The following ARNT variants were observed in gnomAD, a reference collection of about 807,000 sequenced individuals.
ARNT encodes the protein aryl hydrocarbon receptor nuclear translocator.
A neutral mutation model predicts 105.0 loss-of-function variants in ARNT; 30 were observed. The ratio of observed to expected loss-of-function variants is 0.29; its 90% CI spans 0.21 to 0.39. The LOEUF (loss-of-function observed/expected upper bound fraction) is 0.39. Among genes scored for constraint, ARNT ranks in the 10% least tolerant of loss-of-function variants. The pLI, the probability that ARNT is intolerant of heterozygous loss-of-function variation, is 1.00. For missense variants in ARNT, 748 were observed against 978.7 expected, an observed-to-expected ratio of 0.76 and a Z score of 3.15; for synonymous variants, 304 against 344.0, an observed-to-expected ratio of 0.88 and a Z score of 1.29.
chr1:150,819,945 A>T (rs1352423649), intron 14 of ARNT, among the ~76,000 whole-genome samples: 1 of 152,220 alleles, frequency 6.6e-6, no homozygotes, highest in Non-Finnish European at 1.5e-5. Context: ...AAAACTTTTT[A>T]AAAAAGAAAC....
Position 150,813,312 on chromosome 1 carries a change from G to A in ARNT, c.2140C>T (p.Gln714Ter), listed in dbSNP as rs753495822. Residue 714 changes from glutamine to a stop codon, truncating the protein, a stop_gained, in exon 21 of 22, where the codon CAA becomes TAA. Coordinates refer to ENST00000358595, the MANE Select transcript of ARNT (RefSeq NM_001668.4). LOFTEE classifies it high-confidence loss of function. ...CCCTCTGCTGTCCGTGTCTGGAATT[G>A]TCCTGCAGTCTGTCCAGTCTCAGGA... ...FAPETGQTAG[Q>*]FQTRTAEGVG... The A allele has an allele frequency of 6.2e-7, 1 of 1,613,048 alleles. No individual in the cohort carries two copies. The highest frequency in any genetic ancestry group is 8.5e-7 in the Non-Finnish European group (1 of 1,179,460).
intron 1 of ARNT, among the ~76,000 whole-genome samples, chr1:150,872,384 A>C (rs928444202): frequency 7.2e-5 from 11 of 152,238 alleles, no homozygotes; most frequent in Non-Finnish European, 1.3e-4. Flanking sequence ...TATATAGGTG[A>C]AAATTAGCTA....
intron 14 of ARNT, among the ~76,000 whole-genome samples, chr1:150,818,738 G>C (rs1656455882): frequency 1.7e-5 from 2 of 118,242 alleles, no homozygotes; most frequent in Non-Finnish European, 3.5e-5. Flanking sequence ...GACAGAGTGA[G>C]ACACTGTCTC....
intron 15 of ARNT, 84 bp downstream of exon 15, chr1:150,817,836 C>T: frequency 9.9e-7 from 1 of 1,006,142 alleles, no homozygotes; most frequent in Non-Finnish European, 1.4e-6. Flanking sequence ...AAAAAATTAA[C>T]CAACCGAACA....
chr1:150,825,764 G>T (rs980644697), intron 13 of ARNT, among the ~76,000 whole-genome samples: 1 of 151,374 alleles, frequency 6.6e-6, no homozygotes, highest in Non-Finnish European at 1.5e-5. Flanking sequence ...CAGGAGAATC[G>T]CTTGAACCTA....
intron 14 of ARNT, among the ~76,000 whole-genome samples, chr1:150,822,037 G>A (rs1359031690): frequency 6.6e-6 from 1 of 151,628 alleles, no homozygotes; most frequent in African/African-American, 2.4e-5. Flanking sequence ...TTGTATGGTA[G>A]TAAATGATAA....
intron 16 of ARNT, 35 bp downstream of exon 16, chr1:150,817,326 T>C (rs983469507): frequency 2.5e-6 from 4 of 1,612,706 alleles, no homozygotes; most frequent in African/African-American, 1.3e-5. Context: ...AAGTAAATAC[T>C]CCCTACCCTC....
intron 8 of ARNT, among the ~76,000 whole-genome samples, chr1:150,833,143 A>G (rs1010674251): frequency 2.0e-5 from 3 of 152,244 alleles, no homozygotes; most frequent in African/African-American, 7.2e-5. Context: ...AGATAGCATC[A>G]AAGCTAGAAT....
At position 150,836,506 on chromosome 1, in the gene ARNT, A is replaced by G. The variant is rs371861989; in HGVS notation, c.487-13T>C. ...AATGTTTCAGTTCCTGCGCAAGAAA[A>G]AGAAATAGAAGTTAATATTTTACTC... On this transcript the variant is annotated splice_polypyrimidine_tract_variant and intron_variant, in intron 6 of 21. Coordinates refer to ENST00000358595, the MANE Select transcript of ARNT (RefSeq NM_001668.4). The G allele has an allele frequency of 3.7e-6, 6 of 1,610,644 alleles. No individual in the cohort carries two copies. The African/African-American group carries it at 8.0e-5, about 22-fold the overall frequency.
chr1:150,839,775 T>C (rs1261186910), intron 5 of ARNT, 121 bp from the exon 6 acceptor site: 1 of 1,053,828 alleles, frequency 9.5e-7, no homozygotes, highest in Non-Finnish European at 1.4e-6. Flanking sequence ...TTAGTGATGC[T>C]TAAGTCTCAG....
chr1:150,846,339 A>G (rs764121117), intron 3 of ARNT, 32 bp from the exon 4 acceptor site: 1 of 1,607,754 alleles, frequency 6.2e-7, no homozygotes. Flanking sequence ...GTTTCAAAGC[A>G]TTACACTTGT....
chr1:150,847,480 C>T (rs1282233043), intron 3 of ARNT, among the ~76,000 whole-genome samples: 1 of 150,740 alleles, frequency 6.6e-6, no homozygotes, highest in African/African-American at 2.4e-5. Flanking sequence ...GTGCTTTTCT[C>T]AGGCACAACA....
At chr1:150,833,921 ATTTCT>A (rs1659795218) in intron 8 of ARNT, among the ~76,000 whole-genome samples, 1 of 151,114 alleles carries the variant, frequency 6.6e-6, no homozygotes, top group Non-Finnish European at 1.5e-5. Flanking sequence ...TGGGAAATTC[ATTTCT>A]TTTTCTTTTT....
intron 1 of ARNT, among the ~76,000 whole-genome samples, chr1:150,873,081 G>A (rs1022627768): frequency 4.6e-5 from 7 of 151,768 alleles, no homozygotes; most frequent in African/African-American, 1.5e-4. Context: ...TCAGGAGATC[G>A]AGACCACCCT....
chr1:150,814,976 T>A (rs929883128), intron 19 of ARNT, among the ~76,000 whole-genome samples: 2 of 152,234 alleles, frequency 1.3e-5, no homozygotes, highest in African/African-American at 4.8e-5. Flanking sequence ...GTTCTGTATA[T>A]GCATTATAGA....
chr1:150,870,716 C>G (rs1410557620), intron 1 of ARNT, among the ~76,000 whole-genome samples: 2 of 151,890 alleles, frequency 1.3e-5, no homozygotes, highest in African/African-American at 4.8e-5. Context: ...ACCACGTTGC[C>G]CAGGCTGGTC....
At chr1:150,859,807 C>T (rs1261620776) in intron 1 of ARNT, among the ~76,000 whole-genome samples, 1 of 152,066 alleles carries the variant, frequency 6.6e-6, no homozygotes, top group Non-Finnish European at 1.5e-5. Context: ...CCCAGGAGTT[C>T]GAGACTAGCC....
chr1:150,836,183 A>G, intron 7 of ARNT, 97 bp downstream of exon 7: 1 of 1,181,538 alleles, frequency 8.5e-7, no homozygotes, highest in Non-Finnish European at 1.2e-6. Flanking sequence ...GCCTTGCCAG[A>G]GTCAACAAAC....
chr1:150,864,650 AT>A (rs1258789396), intron 1 of ARNT, among the ~76,000 whole-genome samples: 1 of 147,540 alleles, frequency 6.8e-6, no homozygotes. Context: ...ATTGGGAGAT[AT>A]ACCTAATGCT....
Sources: allele counts gnomAD v4.1 joint callset (sites outside exome capture counted in the v4.1 genomes callset), GRCh38; gene constraint gnomAD v4.1.1; transcripts MANE v1.5; gene names NCBI Gene and HGNC (gene_info 2026-07-23, HGNC 2026-07-21).